ABCD4: variants seen among roughly 807,000 people sequenced by gnomAD.
ABCD4 encodes the protein ATP binding cassette subfamily D member 4.
A neutral mutation model predicts 86.3 loss-of-function variants in ABCD4; 53 were observed. The observed-to-expected ratio is 0.61, with a 90% CI of 0.49 to 0.77. The LOEUF (loss-of-function observed/expected upper bound fraction) is 0.77, where lower values mean the gene tolerates loss of function less well. ABCD4 is among the 30% of genes least tolerant of loss of function. The pLI, the probability that ABCD4 is intolerant of heterozygous loss-of-function variation, is 0.00. For missense variants in ABCD4, 757 were observed against 764.5 expected (o/e 0.99, Z 0.12); for synonymous variants, 328 against 313.6 (o/e 1.05, Z -0.49).
Position 74,299,671 on chromosome 14 carries a change from T to C in ABCD4, c.162A>G (p.Gln54=). 6.2e-7 allele frequency: 1 copy of C among 1,611,992 alleles called. No individual in the cohort carries two copies. The highest frequency in any genetic ancestry group is 8.5e-7 in the Non-Finnish European group (1 of 1,178,962). Residue 54 remains glutamine, a synonymous_variant, in exon 3 of 19, where the codon CAA becomes CAG. Coordinates refer to ENST00000356924, the MANE Select transcript of ABCD4 (RefSeq NM_005050.4). ...LTLLCLTLLE[Q]FVIYQVGLIP... ...TCAAGCCAACCTGGTAGATCACAAA[T>C]TGCTCTGAAAGGAGGGAGAGGAGTA...
At chr14:74,288,901 C>A (rs865778997) in intron 14 of ABCD4, 136 bp from the exon 15 acceptor site, 2 of 1,164,028 alleles carry the variant, frequency 1.7e-6, no homozygotes, top group Middle Eastern at 4.4e-4. Flanking sequence ...ATCACAAGGT[C>A]AGGAGATGGA....
At chr14:74,300,593 CAAAA>C (rs576021856) in intron 1 of ABCD4, among the ~76,000 whole-genome samples, 2 of 51,078 alleles carry the variant, frequency 3.9e-5, no homozygotes, top group Non-Finnish European at 8.1e-5. Flanking sequence ...AACTCCGTCT[CAAAA>C]AAAAAAAAAA....
rs1347484355 is a variant in ABCD4, at chr14:74,285,310, C to G, written c.*1151G>C. On this transcript the variant is annotated 3_prime_UTR_variant, in exon 19 of 19. Transcript: ENST00000356924. ...CTGATTTTATTAAGGAGAAAAATCT[C>G]AGTTGAGTGCCAGTCCGTCTAACTC... The G allele has an allele frequency of 6.6e-6, 1 of 152,066 alleles. No individual in the cohort carries two copies. The highest frequency in any genetic ancestry group is 1.5e-5 in the Non-Finnish European group (1 of 68,004). The allele number at this position is 152,066 out of a possible 1,614,324, so 9.4% of individuals were successfully genotyped here.
Position 74,290,035 on chromosome 14 carries a change from G to A in ABCD4, c.1411C>T (p.Arg471Trp), listed in dbSNP as rs45568335. ...QKPFFTDGTL[R>W]EQVIYPLKEV... ...CCCTGAACTAGACTGACCTGCTCCC[G>A]AAGGGTCCCGTCAGTGAAGAATGGC... Residue 471 changes from arginine to tryptophan, a missense_variant, in exon 13 of 19, where the codon CGG (arginine) becomes TGG (tryptophan). By Grantham distance (101) the Arg-to-Trp change is moderately radical. Transcript: ENST00000356924. The A allele has an allele frequency of 1.9e-3, 3,087 of 1,614,138 alleles. 11 individuals are homozygous for A. The highest frequency in any genetic ancestry group is 6.8e-3 in the Middle Eastern group (41 of 6,062).
rs3213498 is a variant in ABCD4 at position 74,289,900 on chromosome 14, C to T, written c.1419+127G>A. ...TCTTAGAGCCAGCAGTTCCCAGGCC[C>T]GGGCCACTTCACCACCTCACCTTTT... On this transcript the variant is annotated intron_variant, in intron 13 of 18. Coordinates refer to ENST00000356924, the MANE Select transcript of ABCD4 (RefSeq NM_005050.4). The T allele has an allele frequency of 0.014, 21,108 of 1,532,864 alleles. 461 individuals carry two copies. The highest frequency in any genetic ancestry group is 0.11 in the Admixed American group (5,349 of 48,216). The allele number at this position is 1,532,864 out of a possible 1,614,324, so 95.0% of individuals were successfully genotyped here. A position where few individuals can be genotyped will look rare whatever the true frequency, so the allele number is the denominator to read the frequency against.
Position 74,287,888 on chromosome 14 carries a change from T to G in ABCD4, c.1560-2A>C. On this transcript the variant is annotated splice_acceptor_variant, in intron 16 of 18. Transcript: ENST00000356924. LOFTEE classifies it high-confidence loss of function. Reference sequence around the variant, plus strand: ...TCCCCCGGGGACAGAACATCATACCTGAGGAAAGGTAGGAGAGAGGACTGC... The same window carrying G: ...TCCCCCGGGGACAGAACATCATACCGGAGGAAAGGTAGGAGAGAGGACTGC... 6.2e-7 allele frequency: 1 copy of G among 1,611,818 alleles called. No individual in the cohort carries two copies. Among genetic ancestry groups the G allele is most frequent in the Non-Finnish European group, 8.5e-7 (1 of 1,178,756 alleles).
Position 74,299,533 on chromosome 14 carries a change from A to T in ABCD4, c.285+15T>A. On this transcript the variant is annotated intron_variant, in intron 3 of 18. Transcript: ENST00000356924. ...TGGAGAGGACGAGAGACACAGAGAG[A>T]GGGAAAGATCTTACCGTGGAGTTCA... The T allele has an allele frequency of 6.2e-7, 1 of 1,612,714 alleles. No homozygotes were observed. Among genetic ancestry groups the T allele is most frequent in the African/African-American group, 1.3e-5 (1 of 74,978 alleles).
chr14:74,292,287 G>T lies in ABCD4; in HGVS notation c.1118C>A (p.Thr373Lys), dbSNP rs375098533. Residue 373 changes from threonine to lysine, a missense_variant and splice_region_variant, in exon 11 of 19, where the codon ACA becomes AAA. Physicochemically the swap from Thr to Lys is moderately conservative, Grantham distance 78. Coordinates refer to ENST00000356924, the MANE Select transcript of ABCD4 (RefSeq NM_005050.4). ...ACTGCTCTGCCAGCCCGCTACTCAC[G>T]TGTCCAAGCCCCACTCGCTCTCGCC... is the stretch of plus-strand genomic sequence containing the variant. ...ILGESEWGLD[T>K]PPGWPAAEPA... The T allele has an allele frequency of 6.2e-7, 1 of 1,613,880 alleles. No homozygotes were observed. Among genetic ancestry groups the T allele is most frequent in the South Asian group, 1.1e-5 (1 of 91,086 alleles).
intron 11 of ABCD4, among the ~76,000 whole-genome samples, 182 bp from the exon 12 acceptor site, chr14:74,290,681 G>C (rs956306016): frequency 5.3e-5 from 6 of 114,078 alleles, no homozygotes; most frequent in African/African-American, 7.9e-5. Context: ...CGGAGGCAGG[G>C]TCTTTTTTTT....
At chr14:74,287,960 T>A in intron 16 of ABCD4, 74 bp from the exon 17 acceptor site, 1 of 1,402,702 alleles carries the variant, frequency 7.1e-7, no homozygotes, top group Non-Finnish European at 9.9e-7. Flanking sequence ...ATGGTCTGGG[T>A]AGGAAGAGGT....
intron 1 of ABCD4, 87 bp from the exon 2 acceptor site, chr14:74,300,355 G>T: frequency 3.5e-6 from 3 of 860,760 alleles, no homozygotes; most frequent in Non-Finnish European, 5.9e-6. Context: ...ACATTGTTCT[G>T]TAGAGGGTCC....
intron 11 of ABCD4, 99 bp from the exon 12 acceptor site, chr14:74,290,598 T>C (rs1446830816): frequency 2.1e-5 from 18 of 859,868 alleles, no homozygotes; most frequent in Non-Finnish European, 2.6e-5. Flanking sequence ...TGGATTATTA[T>C]GGGCTGACTT....
chr14:74,293,099 G>A, intron 8 of ABCD4, 55 bp downstream of exon 8: 1 of 1,563,968 alleles, frequency 6.4e-7, no homozygotes, highest in Non-Finnish European at 8.8e-7. Context: ...GTGTGGGAAG[G>A]GAAGCAGACC....
chr14:74,290,269 G>T (rs1256883743), intron 12 of ABCD4, 22 bp downstream of exon 12: 1 of 1,613,854 alleles, frequency 6.2e-7, no homozygotes. Context: ...TGGGTCAGAG[G>T]CAGGGAGGGC....
Position 74,287,872 on chromosome 14 carries a change from G to C in ABCD4, c.1574C>G (p.Ser525Cys), listed in dbSNP as rs1192871591. The C allele has an allele frequency of 5.6e-6, 9 of 1,613,062 alleles. No homozygotes were observed. The highest frequency in any genetic ancestry group is 1.3e-5 in the African/African-American group (1 of 74,916). Residue 525 changes from serine (S) to cysteine (C), a missense_variant, in exon 17 of 19, where the codon TCC (serine) becomes TGC (cysteine). Transcript: ENST00000356924. ...GGAGAGCCGTTGCATCTCCCCCGGG[G>C]ACAGAACATCATACCTGAGGAAAGG... ...QVDWNWYDVL[S>C]PGEMQRLSFA...
intron 8 of ABCD4, 71 bp downstream of exon 8, chr14:74,293,083 A>G: frequency 1.3e-6 from 2 of 1,514,632 alleles, no homozygotes; most frequent in Non-Finnish European, 1.8e-6. Context: ...GACAGGAGGT[A>G]GAGAGGTGTG....
intron 12 of ABCD4, 44 bp downstream of exon 12, chr14:74,290,247 T>C (rs371381217): frequency 3.1e-6 from 5 of 1,612,266 alleles, no homozygotes; most frequent in Non-Finnish European, 4.2e-6. Context: ...ACCCCACCCC[T>C]AGGGCCCAGG....
chr14:74,287,352 C>G (rs2080055927), intron 17 of ABCD4, among the ~76,000 whole-genome samples: 1 of 152,110 alleles, frequency 6.6e-6, no homozygotes, highest in East Asian at 1.9e-4. Context: ...AACTCCAGAC[C>G]AGCCTGGGCA....
rs138924270 is a variant in ABCD4 at position 74,293,501 on chromosome 14, G to C, written c.720-253C>G. On this transcript the variant is annotated intron_variant, in intron 7 of 18. Coordinates refer to ENST00000356924, the MANE Select transcript of ABCD4 (RefSeq NM_005050.4). The stretch of plus-strand genomic sequence containing the variant: ...GGCTCTGGCCAGTTACTAGCTGCGT[G>C]ACACAGGCAGGCTACTTAAGCCTCC... 1,402 of 385,158 alleles carry C rather than the reference G, an allele frequency of 3.6e-3. 13 individuals carry two copies. Among genetic ancestry groups the C allele is most frequent in the African/African-American group, 0.026 (1,268 of 48,788 alleles). 23.9% of individuals were successfully genotyped at this position (385,158 alleles called of 1,614,324 possible). A position where few individuals can be genotyped will look rare whatever the true frequency, so the allele number is the denominator to read the frequency against.
Sources: allele counts gnomAD v4.1 joint callset (sites outside exome capture counted in the v4.1 genomes callset), GRCh38; gene constraint gnomAD v4.1.1; transcripts MANE v1.5; gene names NCBI Gene and HGNC (gene_info 2026-07-23, HGNC 2026-07-21).